The following TEAD1 variants were observed in gnomAD, a reference collection of about 807,000 sequenced individuals.
The protein encoded by TEAD1 is transcriptional enhancer factor TEF-1.
In TEAD1, 9 loss-of-function variants were observed where a neutral mutation model predicts 54.9. That is an observed-to-expected ratio of 0.16 (90% CI 0.10 to 0.29). The LOEUF (loss-of-function observed/expected upper bound fraction) is 0.29, where lower values mean the gene tolerates loss of function less well. TEAD1 is among the 10% of genes least tolerant of loss of function. TEAD1 has a pLI of 1.00. For synonymous variants in TEAD1, 200 were observed against 187.8 expected, an observed-to-expected ratio of 1.07 and a Z score of -0.53; for missense variants, 387 against 535.9, an observed-to-expected ratio of 0.72 and a Z score of 2.74.
At chr11:12,714,854 C>A (rs899781683) in intron 2 of TEAD1, among the ~76,000 whole-genome samples, 3 of 152,144 alleles carry the variant, frequency 2.0e-5, no homozygotes, top group Admixed American at 6.5e-5. Context: ...TCCCAGTCTC[C>A]TCTTGTAAGG....
intron 3 of TEAD1, among the ~76,000 whole-genome samples, chr11:12,835,396 G>A (rs141150467): frequency 1.6e-3 from 251 of 152,230 alleles, no homozygotes; most frequent in African/African-American, 5.6e-3. Context: ...AGGCTGGAGT[G>A]CAGTGGCGCA....
At chr11:12,804,254 A>C (rs896734196) in intron 3 of TEAD1, among the ~76,000 whole-genome samples, 1 of 152,226 alleles carries the variant, frequency 6.6e-6, no homozygotes, top group Non-Finnish European at 1.5e-5. Flanking sequence ...TGCATTCAGC[A>C]GACCATTCTT....
intron 10 of TEAD1, among the ~76,000 whole-genome samples, chr11:12,923,086 T>TAC (rs1564991998): frequency 6.6e-6 from 1 of 152,022 alleles, no homozygotes; most frequent in African/African-American, 2.4e-5. Flanking sequence ...TATATATATA[T>TAC]ACATACTTTC....
intron 2 of TEAD1, among the ~76,000 whole-genome samples, chr11:12,697,259 A>G (rs1943605877): frequency 6.6e-6 from 1 of 151,820 alleles, no homozygotes; most frequent in South Asian, 2.1e-4. Flanking sequence ...AAAAGTGCAC[A>G]GGTGAGTACT....
Position 12,939,500 on chromosome 11 carries a change from G to C in TEAD1, c.*2278G>C, listed in dbSNP as rs1282826177. The stretch of plus-strand genomic sequence containing the variant: ...TTCAGTGCAGCCAGGAGGGCTCTTG[G>C]GATTTCCTTTCCAAAGCACAAAAAT... On this transcript the variant is annotated 3_prime_UTR_variant, in exon 13 of 13. Transcript: ENST00000527636. 2 of 152,256 alleles carry C rather than the reference G, an allele frequency of 1.3e-5. No individual in the cohort carries two copies. The highest frequency in any genetic ancestry group is 4.8e-5 in the African/African-American group (2 of 41,446). The allele number at this position is 152,256 out of a possible 1,614,324, so 9.4% of individuals were successfully genotyped here.
Position 12,909,765 on chromosome 11 carries a change from G to A in TEAD1, c.873+7652G>A, listed in dbSNP as rs533877419. On this transcript the variant is annotated intron_variant, in intron 10 of 12. Coordinates refer to ENST00000527636, the MANE Select transcript of TEAD1 (RefSeq NM_021961.6). ...ATCTTGCCATTCCCTGGACACCTTA[G>A]TTGAGTTATTTGCACTTTATAGTAC... Among the ~76,000 whole-genome samples, 6 of 152,264 alleles carry A rather than the reference G, an allele frequency of 3.9e-5. No homozygotes were observed. In the East Asian group the frequency reaches 1.2e-3, roughly 29 times the overall value.
chr11:12,708,874 A>G (rs762203957), intron 2 of TEAD1, among the ~76,000 whole-genome samples: 17 of 152,354 alleles, frequency 1.1e-4, no homozygotes, highest in Non-Finnish European at 1.5e-4. Flanking sequence ...TTTTCAATAT[A>G]TATGTGTGTA....
chr11:12,916,850 T>C (rs1948722656), intron 10 of TEAD1, among the ~76,000 whole-genome samples: 1 of 152,048 alleles, frequency 6.6e-6, no homozygotes, highest in African/African-American at 2.4e-5. Flanking sequence ...TGAAGAACTA[T>C]GTGGGTGAGG....
chr11:12,717,365 C>T (rs1944087296), intron 2 of TEAD1, among the ~76,000 whole-genome samples: 1 of 152,124 alleles, frequency 6.6e-6, no homozygotes, highest in Non-Finnish European at 1.5e-5. Context: ...GCCCTTCATT[C>T]CTGAGTGTCT....
At chr11:12,870,901 G>GA (rs963055005) in intron 5 of TEAD1, among the ~76,000 whole-genome samples, 25 of 152,118 alleles carry the variant, frequency 1.6e-4, no homozygotes, top group Non-Finnish European at 3.2e-4. Flanking sequence ...AAAAGAAAAA[G>GA]AAAAAATGTC....
At chr11:12,752,719 A>G (rs1245603863) in intron 2 of TEAD1, among the ~76,000 whole-genome samples, 3 of 152,176 alleles carry the variant, frequency 2.0e-5, no homozygotes, top group African/African-American at 7.2e-5. Context: ...CTCATGAGAT[A>G]CAAGTAGTGT....
chr11:12,883,740 A>G (rs1047927802), intron 9 of TEAD1, among the ~76,000 whole-genome samples: 9 of 152,168 alleles, frequency 5.9e-5, no homozygotes, highest in Admixed American at 1.3e-4. Flanking sequence ...GTGGCCAGGC[A>G]TGGTGGCTCA....
At chr11:12,805,024 G>C (rs1438562868) in intron 3 of TEAD1, among the ~76,000 whole-genome samples, 4 of 152,130 alleles carry the variant, frequency 2.6e-5, no homozygotes, top group Non-Finnish European at 5.9e-5. Context: ...GTCACATTTT[G>C]GCTCAATTAT....
chr11:12,749,663 C>G (rs1259928286), intron 2 of TEAD1, among the ~76,000 whole-genome samples: 1 of 152,190 alleles, frequency 6.6e-6, no homozygotes, highest in East Asian at 1.9e-4. Flanking sequence ...ACTTTCTGTC[C>G]GTACCTCTCT....
chr11:12,915,906 G>T (rs1369920557), intron 10 of TEAD1, among the ~76,000 whole-genome samples: 3 of 152,174 alleles, frequency 2.0e-5, no homozygotes, highest in Admixed American at 6.5e-5. Flanking sequence ...GAGGAGAAAC[G>T]AATCCAGACT....
chr11:12,790,706 T>A (rs1945781781), intron 3 of TEAD1, among the ~76,000 whole-genome samples: 1 of 152,224 alleles, frequency 6.6e-6, no homozygotes, highest in Non-Finnish European at 1.5e-5. Flanking sequence ...AATAGACATC[T>A]CTGTTTAAGC....
At chr11:12,892,294 A>G (rs1413499836) in intron 9 of TEAD1, among the ~76,000 whole-genome samples, 3 of 152,164 alleles carry the variant, frequency 2.0e-5, no homozygotes, top group Non-Finnish European at 4.4e-5. Flanking sequence ...TGTGGAAGAA[A>G]GAAGAGGGGG....
At chr11:12,762,260 G>A (rs763968757) in intron 2 of TEAD1, among the ~76,000 whole-genome samples, 5 of 152,170 alleles carry the variant, frequency 3.3e-5, no homozygotes, top group Admixed American at 1.3e-4. Context: ...GAGGAAGAAG[G>A]TGGGCTAGCC....
intron 2 of TEAD1, among the ~76,000 whole-genome samples, chr11:12,752,213 G>GTTTTTTTT (rs35143229): frequency 2.0e-5 from 2 of 101,034 alleles, no homozygotes; most frequent in African/African-American, 7.4e-5. Context: ...AAACAGGGCA[G>GTTTTTTTT]TTTTTTTTTT....
Sources: gnomAD v4.1 joint callset for allele counts (sites outside exome capture counted in the v4.1 genomes callset) on GRCh38, gnomAD v4.1.1 for gene constraint, MANE v1.5 for transcripts, NCBI Gene and HGNC (gene_info 2026-07-23, HGNC 2026-07-21) for gene names.